The following GLIS1 variants were observed in gnomAD, a reference collection of about 807,000 sequenced individuals.
GLIS1 encodes GLIS family zinc finger 1, also known as zinc finger protein GLIS1.
GLIS1 carries 24 observed loss-of-function variants against 63.8 expected under a neutral mutation model. The observed-to-expected ratio is 0.38, with a 90% CI of 0.27 to 0.53. GLIS1 has a LOEUF of 0.53. Ranked by LOEUF, GLIS1 falls within the 20% of genes least tolerant of loss-of-function variation. The pLI is 0.85. For missense variants in GLIS1, 1,036 were observed against 1,074.1 expected, an observed-to-expected ratio of 0.96 and a Z score of 0.50; for synonymous variants, 450 against 482.5, an observed-to-expected ratio of 0.93 and a Z score of 0.88.
intron 2 of GLIS1, among the ~76,000 whole-genome samples, chr1:53,662,062 C>G (rs1196643673): frequency 6.6e-6 from 1 of 152,110 alleles, no homozygotes; most frequent in Non-Finnish European, 1.5e-5. Context: ...GGCTGAACTG[C>G]TGCTACAGAA....
chr1:53,600,702 C>T (rs548757540), intron 2 of GLIS1, among the ~76,000 whole-genome samples: 2 of 152,304 alleles, frequency 1.3e-5, no homozygotes, highest in African/African-American at 4.8e-5. Flanking sequence ...TGCTCAGCTG[C>T]GCTGCTGCCC....
At chr1:53,585,116 T>C (rs1645121703) in intron 4 of GLIS1, among the ~76,000 whole-genome samples, 1 of 152,200 alleles carries the variant, frequency 6.6e-6, no homozygotes, top group African/African-American at 2.4e-5. Flanking sequence ...CATAAAGCAA[T>C]GTTGGGCTCA....
intron 2 of GLIS1, among the ~76,000 whole-genome samples, chr1:53,701,012 A>G (rs1028719262): frequency 1.3e-5 from 2 of 152,226 alleles, no homozygotes; most frequent in African/African-American, 4.8e-5. Flanking sequence ...TTGTTTATCC[A>G]TTCATCAGCT....
chr1:53,664,059 C>G (rs12405835), intron 2 of GLIS1, among the ~76,000 whole-genome samples: 31,436 of 152,156 alleles, frequency 0.21, 3,306 homozygotes, highest in East Asian at 0.33. Flanking sequence ...CAACCCAGAA[C>G]CCACTCTGCA....
At chr1:53,525,845 C>T (rs1167924174) in intron 5 of GLIS1, among the ~76,000 whole-genome samples, 1 of 152,164 alleles carries the variant, frequency 6.6e-6, no homozygotes, top group Admixed American at 6.5e-5. Context: ...CACCTCCTCC[C>T]CGGGCCAGAA....
chr1:53,541,291 T>C (rs887030558), intron 4 of GLIS1, among the ~76,000 whole-genome samples: 2 of 152,194 alleles, frequency 1.3e-5, no homozygotes, highest in African/African-American at 4.8e-5. Flanking sequence ...GGAGATCTCC[T>C]TTAGGGGACA....
chr1:53,671,706 A>G (rs1414322931), intron 2 of GLIS1, among the ~76,000 whole-genome samples: 1 of 152,252 alleles, frequency 6.6e-6, no homozygotes, highest in Non-Finnish European at 1.5e-5. Flanking sequence ...GGTATGGAAA[A>G]TGGAACATTT....
chr1:53,677,247 A>C (rs868319441), intron 2 of GLIS1, among the ~76,000 whole-genome samples: 19 of 152,324 alleles, frequency 1.2e-4, no homozygotes, highest in Admixed American at 6.5e-4. Context: ...ACTTTTCACC[A>C]ACGAACAAAA....
chr1:53,509,295 C>G lies in GLIS1; in HGVS notation c.2063-8G>C, dbSNP rs1196175355. 10 of 1,562,590 alleles carry G rather than the reference C, an allele frequency of 6.4e-6. No homozygotes were observed. The highest frequency in any genetic ancestry group is 3.6e-5 in the Admixed American group (2 of 55,364). ...GGAAACTGCCCTGGTAACCTGCAGACGGGGGTAGCAGGGGCCGCGTTCACA... is the reference window on the plus strand; with the variant it reads ...GGAAACTGCCCTGGTAACCTGCAGAGGGGGGTAGCAGGGGCCGCGTTCACA... On this transcript the variant is annotated splice_region_variant and splice_polypyrimidine_tract_variant and intron_variant, in intron 9 of 10. Coordinates refer to ENST00000628545, the MANE Select transcript of GLIS1 (RefSeq NM_001367484.1).
chr1:53,601,445 A>G (rs1297409287), intron 2 of GLIS1, among the ~76,000 whole-genome samples: 2 of 152,186 alleles, frequency 1.3e-5, no homozygotes, highest in African/African-American at 4.8e-5. Context: ...AAGATAAACC[A>G]TTAAGACGTG....
chr1:53,709,905 G>A (rs1646628563), intron 2 of GLIS1, among the ~76,000 whole-genome samples: 1 of 152,178 alleles, frequency 6.6e-6, no homozygotes, highest in Admixed American at 6.5e-5. Context: ...TTGGGAGACT[G>A]GTGGAGGGAC....
At chr1:53,733,797 G>A in intron 2 of GLIS1, 1 of 537,672 alleles carries the variant, frequency 1.9e-6, no homozygotes, top group Non-Finnish European at 2.4e-6. Flanking sequence ...AAAAAATTTG[G>A]ATCTGATTAT....
intron 4 of GLIS1, among the ~76,000 whole-genome samples, chr1:53,583,168 T>C (rs1251215833): frequency 6.6e-6 from 1 of 152,164 alleles, no homozygotes; most frequent in Non-Finnish European, 1.5e-5. Flanking sequence ...GAGGCGCAGA[T>C]GTAACACTGG....
At chr1:53,668,848 C>T (rs778428658) in intron 2 of GLIS1, among the ~76,000 whole-genome samples, 16 of 152,124 alleles carry the variant, frequency 1.1e-4, no homozygotes, top group Non-Finnish European at 1.9e-4. Context: ...CGTCTCAGAA[C>T]GTATCCACAA....
At chr1:53,677,525 C>A (rs1646226582) in intron 2 of GLIS1, among the ~76,000 whole-genome samples, 1 of 152,228 alleles carries the variant, frequency 6.6e-6, no homozygotes, top group Non-Finnish European at 1.5e-5. Flanking sequence ...AGACAGACAG[C>A]CAGAGGAAAA....
Position 53,738,060 on chromosome 1 carries a change from T to G in GLIS1, c.5A>C (p.His2Pro). 1 of 1,230,278 alleles carries G rather than the reference T, an allele frequency of 8.1e-7. No individual in the cohort carries two copies. Among genetic ancestry groups the G allele is most frequent in the East Asian group, 3.2e-5 (1 of 31,600 alleles). 76.2% of individuals were successfully genotyped at this position (1,230,278 alleles called of 1,614,324 possible). A position where few individuals can be genotyped will look rare whatever the true frequency, so the allele number is the denominator to read the frequency against. ...CGAGTGTGCCTCAGCCACCTCGCAA[T>G]GCATGGCGCCGGGGCGGGGCGCACG... MHCEVAEAHSDK... is the reference protein window; with the variant it reads MPCEVAEAHSDK... The change falls in exon 2 of 11, where the codon CAT becomes CCT. Residue 2 changes from histidine to proline, a missense_variant. His to Pro is a moderately conservative substitution (Grantham distance 77, BLOSUM62 -2). Around this residue, in one of 3 missense-constraint regions of GLIS1, gnomAD observed 592 missense variants for 593.9 expected, o/e 1.00. Transcript: ENST00000628545.
chr1:53,550,665 T>TTG (rs1185969510), intron 4 of GLIS1, among the ~76,000 whole-genome samples: 3 of 152,036 alleles, frequency 2.0e-5, no homozygotes, highest in Admixed American at 1.3e-4. Flanking sequence ...AAACCACAAT[T>TTG]ATCAAGTACC....
intron 2 of GLIS1, among the ~76,000 whole-genome samples, chr1:53,665,382 C>T (rs911353733): frequency 1.2e-4 from 19 of 152,090 alleles, no homozygotes; most frequent in African/African-American, 4.6e-4. Flanking sequence ...AGACATCCAA[C>T]TGAAAAGAGA....
At chr1:53,575,886 G>A (rs1345231469) in intron 4 of GLIS1, among the ~76,000 whole-genome samples, 1 of 152,092 alleles carries the variant, frequency 6.6e-6, no homozygotes, top group Non-Finnish European at 1.5e-5. Flanking sequence ...CAGTCAGGAG[G>A]AGATCAAAGA....
Sources: allele counts gnomAD v4.1 joint callset (sites outside exome capture counted in the v4.1 genomes callset), GRCh38; gene constraint gnomAD v4.1.1; regional missense constraint gnomAD v4.1.1; transcripts MANE v1.5; gene names NCBI Gene and HGNC (gene_info 2026-07-23, HGNC 2026-07-21).